The following LEMD2 variants were observed in gnomAD, a reference collection of about 807,000 sequenced individuals.
LEMD2 encodes LEM domain-containing protein 2.
In LEMD2, 34 loss-of-function variants were observed where a neutral mutation model predicts 58.8. The observed-to-expected ratio is 0.58, with a 90% confidence interval of 0.44 to 0.77. LEMD2 has a LOEUF of 0.77. LEMD2 is among the 30% of genes least tolerant of loss of function. The pLI, the probability that LEMD2 is intolerant of heterozygous loss-of-function variation, is 0.00. For synonymous variants in LEMD2, 298 were observed against 308.9 expected, an observed-to-expected ratio of 0.96 and a Z score of 0.37; for missense variants, 629 against 717.9, an observed-to-expected ratio of 0.88 and a Z score of 1.42.
Position 33,788,815 on chromosome 6 carries a change from G to A in LEMD2, c.302C>T (p.Pro101Leu). 2.1e-6 allele frequency: 3 copies of A among 1,442,474 alleles called. No individual in the cohort carries two copies. The highest frequency in any genetic ancestry group is 1.8e-6 in the Non-Finnish European group (2 of 1,099,248). 89.4% of individuals were successfully genotyped at this position (1,442,474 alleles called of 1,614,324 possible). ...GGGCCGGATATCACCGTAGGCCCCA[G>A]GGGTCGCGTAGGCCGAGCCCGAGGC... ...QPASGSAYATPGAYGDIRPSA... is the reference protein window; with the variant it reads ...QPASGSAYATLGAYGDIRPSA... The change falls in exon 1 of 9, where the codon CCT becomes CTT. Residue 101 changes from proline to leucine, a missense_variant. By Grantham distance (98) the Pro-to-Leu change is moderately conservative. Around this residue, in one of 2 missense-constraint regions of LEMD2, gnomAD observed 386 missense variants for 381.1 expected, o/e 1.01. Transcript: ENST00000293760.
At chr6:33,784,286 G>T in intron 3 of LEMD2, 66 bp downstream of exon 3, 1 of 1,266,064 alleles carries the variant, frequency 7.9e-7, no homozygotes, top group Non-Finnish European at 1.2e-6. Context: ...AACTAAGCCT[G>T]ATGAACCGGG....
Position 33,778,679 on chromosome 6 carries a change from T to C in LEMD2, c.1011-292A>G, listed in dbSNP as rs1430427346. 3 of 292,680 alleles carry C rather than the reference T, an allele frequency of 1.0e-5. No individual in the cohort carries two copies. Among genetic ancestry groups the C allele is most frequent in the Non-Finnish European group, 1.9e-5 (3 of 159,374 alleles). 18.1% of individuals were successfully genotyped at this position (292,680 alleles called of 1,614,324 possible). On this transcript the variant is annotated intron_variant, in intron 5 of 8. Transcript: ENST00000293760. This position sits in a 1 kb window ranked among gnomAD's most constrained non-coding sequence, Gnocchi z 4.7. ...AGCATGCAGGAGATTAAACTGTAAA[T>C]TGGATTCCCACCTCCCAGCATAGAG...
chr6:33,788,270 G>C (rs1767729308), intron 1 of LEMD2, 111 bp downstream of exon 1: 1 of 1,137,998 alleles, frequency 8.8e-7, no homozygotes, highest in Non-Finnish European at 1.2e-6. Context: ...AAGACAGTCA[G>C]AGGCAGCTGA....
At position 33,789,108 on chromosome 6, in the gene LEMD2, G is replaced by A. The variant is rs1409274003; in HGVS notation, c.9C>T (p.Gly3=). Residue 3 remains glycine (G), a synonymous_variant, in exon 1 of 9, where the codon GGC becomes GGT. Coordinates refer to ENST00000293760, the MANE Select transcript of LEMD2 (RefSeq NM_181336.4). The part of the protein sequence containing the change: MA[G]LSDLELRREL... ...CCCGCCGCAGTTCCAGGTCCGACAG[G>A]CCGGCCATGGCCAGGACGCCGCCCC... 3.3e-6 allele frequency: 5 copies of A among 1,528,144 alleles called. No individual in the cohort carries two copies. The East Asian group carries it at 1.1e-4, about 33-fold the overall frequency. 94.7% of individuals were successfully genotyped at this position (1,528,144 alleles called of 1,614,324 possible).
intron 3 of LEMD2, 78 bp from the exon 4 acceptor site, chr6:33,781,231 T>G: frequency 1.1e-6 from 1 of 910,314 alleles, no homozygotes; most frequent in Non-Finnish European, 1.8e-6. Context: ...GCAGCAAGAA[T>G]CAAGCCATCA....
At position 33,777,259 on chromosome 6, in the gene LEMD2, T is replaced by C. The variant is rs758439609; in HGVS notation, c.1157-20A>G. 2.6e-5 allele frequency: 39 copies of C among 1,488,390 alleles called. No homozygotes were observed. The highest frequency in any genetic ancestry group is 3.3e-5 in the Non-Finnish European group (35 of 1,065,582). 92.2% of individuals were successfully genotyped at this position (1,488,390 alleles called of 1,614,324 possible). On this transcript the variant is annotated intron_variant, in intron 6 of 8. Coordinates refer to ENST00000293760, the MANE Select transcript of LEMD2 (RefSeq NM_181336.4). ...CCAAGCCTGTGAGGGAACAAAACACTGTTAATCCCTCACACTTCATTTGGC... is the reference window on the plus strand; with the variant it reads ...CCAAGCCTGTGAGGGAACAAAACACCGTTAATCCCTCACACTTCATTTGGC...
Position 33,772,419 on chromosome 6 carries a change from G to A in LEMD2, c.*209C>T. On this transcript the variant is annotated 3_prime_UTR_variant, in exon 9 of 9. Transcript: ENST00000293760. ...AGGGCAGAGTCTGGGCTATCACCCT[G>A]GCTTCTCCCCCTCCCTTTAAAGGAA... 2.0e-6 allele frequency: 1 copy of A among 508,716 alleles called. No homozygotes were observed. Among genetic ancestry groups the A allele is most frequent in the Non-Finnish European group, 3.5e-6 (1 of 287,708 alleles). 31.5% of individuals were successfully genotyped at this position (508,716 alleles called of 1,614,324 possible).
In LEMD2 at chr6:33,771,241, C is replaced by A. The variant is rs1269337752; in HGVS notation, c.*1387G>T. ...GTTTTTAATAAATAGTTTATTCATCCAGCAGTTTCAGCCCTGATACTGAAG... is the reference window on the plus strand; with the variant it reads ...GTTTTTAATAAATAGTTTATTCATCAAGCAGTTTCAGCCCTGATACTGAAG... On this transcript the variant is annotated 3_prime_UTR_variant, in exon 9 of 9. Transcript: ENST00000293760. 2 of 152,204 alleles carry A rather than the reference C, an allele frequency of 1.3e-5. No individual in the cohort carries two copies. The highest frequency in any genetic ancestry group is 4.8e-5 in the African/African-American group (2 of 41,442). The allele number at this position is 152,204 out of a possible 1,614,324, so 9.4% of individuals were successfully genotyped here.
intron 1 of LEMD2, among the ~76,000 whole-genome samples, chr6:33,787,866 C>T (rs1767716494): frequency 2.0e-5 from 3 of 152,242 alleles, no homozygotes; most frequent in Non-Finnish European, 4.4e-5. Context: ...CTGGTAGATT[C>T]TCCTGTTGAC....
chr6:33,785,633 A>G (rs1467140610), intron 2 of LEMD2, among the ~76,000 whole-genome samples: 1 of 152,244 alleles, frequency 6.6e-6, no homozygotes, highest in African/African-American at 2.4e-5. Flanking sequence ...AACAGCACTG[A>G]GAAGTCTTAC....
chr6:33,775,893 A>G (rs1767419303), intron 8 of LEMD2, among the ~76,000 whole-genome samples: 1 of 152,196 alleles, frequency 6.6e-6, no homozygotes, highest in Non-Finnish European at 1.5e-5. Flanking sequence ...AGCAAGGGTG[A>G]GCTCTCAGCA....
chr6:33,788,103 G>A lies in LEMD2; in HGVS notation c.736+278C>T, dbSNP rs188721115. 2.6e-5 allele frequency among the ~76,000 whole-genome samples: 4 copies of A among 152,382 alleles called. No individual in the cohort carries two copies. The East Asian group carries it at 5.8e-4, about 22-fold the overall frequency. ...CCAGGGAGAAAACCAGAGGTTGGAG[G>A]AGCAGTGACTACAGCTTGTGATTGA... is the stretch of plus-strand genomic sequence containing the variant. On this transcript the variant is annotated intron_variant, in intron 1 of 8. Transcript: ENST00000293760.
At chr6:33,775,980 A>G (rs934775730) in intron 8 of LEMD2, among the ~76,000 whole-genome samples, 1 of 152,112 alleles carries the variant, frequency 6.6e-6, no homozygotes, top group Non-Finnish European at 1.5e-5. Context: ...CAGAGCCAAC[A>G]CTGGGGGGGG....
At position 33,777,061 on chromosome 6, in the gene LEMD2, AGG is replaced by A. The variant is rs767798660; in HGVS notation, c.1259-7_1259-6del. On this transcript the variant is annotated splice_polypyrimidine_tract_variant and splice_region_variant and intron_variant, in intron 7 of 8. Coordinates refer to ENST00000293760, the MANE Select transcript of LEMD2 (RefSeq NM_181336.4). ...CGTAATGGTCCTGGACCACGTCTGC[AGG>A]AGAGAGCACACCATTTAGGGCAAGG... is the stretch of plus-strand genomic sequence containing the variant. The A allele has an allele frequency of 1.2e-6, 2 of 1,613,576 alleles. No individual in the cohort carries two copies. Among genetic ancestry groups the A allele is most frequent in the Non-Finnish European group, 1.7e-6 (2 of 1,179,574 alleles).
At chr6:33,785,597 C>A (rs1767660234) in intron 2 of LEMD2, among the ~76,000 whole-genome samples, 1 of 152,120 alleles carries the variant, frequency 6.6e-6, no homozygotes, top group African/African-American at 2.4e-5. Flanking sequence ...AACCATGGAA[C>A]TTTTTTCTAA....
At chr6:33,772,916 A>G (rs1439662499) in intron 8 of LEMD2, 138 bp from the exon 9 acceptor site, 5 of 723,282 alleles carry the variant, frequency 6.9e-6, no homozygotes, top group Non-Finnish European at 1.1e-5. Flanking sequence ...AGGTACTAAC[A>G]TGACAACTGC....
Position 33,788,749 on chromosome 6 carries a change from G to C in LEMD2, c.368C>G (p.Pro123Arg). The change falls in exon 1 of 9, where the codon CCT (proline) becomes CGT (arginine). Residue 123 changes from proline (P) to arginine (R), a missense_variant. Physicochemically the swap from Pro to Arg is moderately radical, Grantham distance 103. Coordinates refer to ENST00000293760, the MANE Select transcript of LEMD2 (RefSeq NM_181336.4). The stretch of plus-strand genomic sequence containing the variant: ...GCGCCTGAGTTGCGCCGGGCGGGCA[G>C]GATAGGCGAGGCCGCGGCTCCCTAC... ...SWVGSRGLAY[P>R]ARPAQLRRRA... The C allele has an allele frequency of 6.9e-7, 1 of 1,445,990 alleles. No individual in the cohort carries two copies. Among genetic ancestry groups the C allele is most frequent in the Non-Finnish European group, 9.1e-7 (1 of 1,101,680 alleles). The allele number at this position is 1,445,990 out of a possible 1,614,324, so 89.6% of individuals were successfully genotyped here. A position where few individuals can be genotyped will look rare whatever the true frequency, so the allele number is the denominator to read the frequency against.
chr6:33,772,886 G>T (rs1433625167), intron 8 of LEMD2, 108 bp from the exon 9 acceptor site: 3 of 1,043,582 alleles, frequency 2.9e-6, no homozygotes, highest in African/African-American at 1.6e-5. Flanking sequence ...TGGAATTTAT[G>T]TAAGAGAGGA....
Position 33,771,639 on chromosome 6 carries a change from G to C in LEMD2, c.*989C>G, listed in dbSNP as rs1767294548. The C allele has an allele frequency of 6.6e-6, 1 of 152,250 alleles. No homozygotes were observed. Among genetic ancestry groups the C allele is most frequent in the South Asian group, 2.1e-4 (1 of 4,832 alleles). The allele number at this position is 152,250 out of a possible 1,614,324, so 9.4% of individuals were successfully genotyped here. On this transcript the variant is annotated 3_prime_UTR_variant, in exon 9 of 9. Transcript: ENST00000293760. ...AGGCTGAGGAGCTGGCGGGAGGGCCGGTGGGCGGCGGCGCGGACGCTGCTC... is the reference window on the plus strand; with the variant it reads ...AGGCTGAGGAGCTGGCGGGAGGGCCCGTGGGCGGCGGCGCGGACGCTGCTC...
Sources: gnomAD v4.1 joint callset for allele counts (sites outside exome capture counted in the v4.1 genomes callset) on GRCh38, gnomAD v4.1.1 for gene constraint, gnomAD v4.1.1 regional missense constraint, Gnocchi (gnomAD v3.1) non-coding constraint, MANE v1.5 for transcripts, NCBI Gene and HGNC (gene_info 2026-07-23, HGNC 2026-07-21) for gene names.